FBLN2: variants seen among roughly 807,000 people sequenced by gnomAD.
The protein encoded by FBLN2 is fibulin 2, also known as fibulin-2.
FBLN2 carries 81 observed loss-of-function variants against 123.7 expected under a neutral mutation model. The observed-to-expected ratio is 0.65, with a 90% confidence interval of 0.55 to 0.79. The LOEUF (loss-of-function observed/expected upper bound fraction) is 0.79. Among genes scored for constraint, FBLN2 ranks in the 30% least tolerant of loss-of-function variants. FBLN2 has a pLI of 0.00. For missense variants in FBLN2, 1,603 were observed against 1,681.3 expected, an observed-to-expected ratio of 0.95 and a Z score of 0.81; for synonymous variants, 699 against 701.4, an observed-to-expected ratio of 1.00 and a Z score of 0.05.
At chr3:13,582,652 A>G (rs1013826900) in intron 2 of FBLN2, among the ~76,000 whole-genome samples, 1 of 152,166 alleles carries the variant, frequency 6.6e-6, no homozygotes, top group African/African-American at 2.4e-5. Context: ...GTGTGACCTC[A>G]GGCAAGCGAC....
chr3:13,609,628 A>T lies in FBLN2; in HGVS notation c.1534A>T (p.Ile512Phe), dbSNP rs1259034723. ...GGCTGAGGACAACGACAGCTGCGGC[A>T]TCTCCCTGTACAAGGCAAGCCTGAC... ...CGAEDNDSCGISLYKQCCDCC... is the reference protein window; with the variant it reads ...CGAEDNDSCGFSLYKQCCDCC... Residue 512 changes from isoleucine to phenylalanine, a missense_variant, in exon 4 of 18, where the codon ATC (isoleucine) becomes TTC (phenylalanine). By Grantham distance (21) the Ile-to-Phe change is conservative (BLOSUM62 0). Transcript: ENST00000404922. 1.5e-5 allele frequency: 21 copies of T among 1,366,152 alleles called. No individual in the cohort carries two copies. Among genetic ancestry groups the T allele is most frequent in the Non-Finnish European group, 1.9e-5 (20 of 1,039,664 alleles). 84.6% of individuals were successfully genotyped at this position (1,366,152 alleles called of 1,614,324 possible).
intron 2 of FBLN2, among the ~76,000 whole-genome samples, chr3:13,590,397 C>T (rs1704632385): frequency 6.6e-6 from 1 of 152,112 alleles, no homozygotes; most frequent in Non-Finnish European, 1.5e-5. Flanking sequence ...GCCATCTTGG[C>T]TCACTGCAAC....
At chr3:13,622,512 C>T (rs1187412848) in intron 9 of FBLN2, among the ~76,000 whole-genome samples, 2 of 152,322 alleles carry the variant, frequency 1.3e-5, no homozygotes, top group East Asian at 3.9e-4. Context: ...ACCAGCTTGG[C>T]GTTCCTTTGC....
rs143521153 is a variant in FBLN2, at chr3:13,568,880, G to A, written c.-41-1435G>A. On this transcript the variant is annotated intron_variant, in intron 1 of 17. Coordinates refer to ENST00000404922, the MANE Select transcript of FBLN2 (RefSeq NM_001004019.2). ...AGGACGCTGGGAACCTGTCTTGCTGGCTGATAAACCCCTGGTTCCTAGAGG... is the reference window on the plus strand; with the variant it reads ...AGGACGCTGGGAACCTGTCTTGCTGACTGATAAACCCCTGGTTCCTAGAGG... 272 of 985,794 alleles carry A rather than the reference G, an allele frequency of 2.8e-4. No individual in the cohort carries two copies. The African/African-American group carries it at 4.5e-3, about 16-fold the overall frequency. The allele number at this position is 985,794 out of a possible 1,614,324, so 61.1% of individuals were successfully genotyped here. A position where few individuals can be genotyped will look rare whatever the true frequency, so the allele number is the denominator to read the frequency against.
At position 13,570,616 on chromosome 3, in the gene FBLN2, G is replaced by T; in HGVS notation, c.261G>T (p.Gln87His). The T allele has an allele frequency of 6.3e-7, 1 of 1,579,990 alleles. No individual in the cohort carries two copies. The highest frequency in any genetic ancestry group is 1.2e-5 in the South Asian group (1 of 86,740). The change falls in exon 2 of 18, where the codon CAG becomes CAT. Residue 87 changes from glutamine to histidine, a missense_variant. Physicochemically the swap from Gln to His is conservative, Grantham distance 24 (BLOSUM62 0). Coordinates refer to ENST00000404922, the MANE Select transcript of FBLN2 (RefSeq NM_001004019.2). Reference protein sequence around the residue: ...GFVRGRVPAGQSYFVDFGSTE... With the variant: ...GFVRGRVPAGHSYFVDFGSTE... ...TGCGCGGCCGCGTGCCCGCCGGTCA[G>T]TCCTATTTTGTGGACTTCGGGAGCA...
At chr3:13,570,233 C>T in intron 1 of FBLN2, 82 bp from the exon 2 acceptor site, 1 of 1,410,952 alleles carries the variant, frequency 7.1e-7, no homozygotes, top group Non-Finnish European at 9.3e-7. Flanking sequence ...GAGGCTGGGC[C>T]CCTGCCCGCG....
rs758710824 is a variant in FBLN2, at chr3:13,614,151, T to A, written c.1716T>A (p.Ala572=). The change falls in exon 5 of 18, where the codon GCT becomes GCA. Residue 572 remains alanine, a synonymous_variant. Transcript: ENST00000404922. ...TTCGCCGACCTCCAGAGCCCGCAGC[T>A]GCACCACGGAGAGGTGAGTGCTGCT... ...PEVRRPPEPA[A]APRRVSEAEM... The A allele has an allele frequency of 1.9e-6, 3 of 1,611,902 alleles. No individual in the cohort carries two copies. The highest frequency in any genetic ancestry group is 2.5e-6 in the Non-Finnish European group (3 of 1,179,834).
intron 1 of FBLN2, among the ~76,000 whole-genome samples, chr3:13,557,338 A>G (rs879520446): frequency 2.0e-5 from 3 of 152,264 alleles, no homozygotes; most frequent in East Asian, 1.9e-4. Context: ...CATGAATACA[A>G]GAAGGTGGTT....
chr3:13,556,817 C>A (rs1703476503), intron 1 of FBLN2, among the ~76,000 whole-genome samples: 1 of 152,168 alleles, frequency 6.6e-6, no homozygotes. Context: ...AAGCAGGGGC[C>A]CCTTTGCACA....
At chr3:13,602,758 G>A (rs1457768997) in intron 2 of FBLN2, among the ~76,000 whole-genome samples, 13 of 152,040 alleles carry the variant, frequency 8.6e-5, no homozygotes, top group Non-Finnish European at 2.9e-5. Context: ...TTTGGCTATT[G>A]TATTATAGTC....
At chr3:13,574,101 G>A (rs1353287719) in intron 2 of FBLN2, among the ~76,000 whole-genome samples, 1 of 152,150 alleles carries the variant, frequency 6.6e-6, no homozygotes, top group Non-Finnish European at 1.5e-5. Flanking sequence ...CGAGCACGGT[G>A]CCTAACAGAG....
intron 16 of FBLN2, among the ~76,000 whole-genome samples, chr3:13,634,759 A>T (rs1706397612): frequency 6.6e-6 from 1 of 152,204 alleles, no homozygotes; most frequent in Non-Finnish European, 1.5e-5. Context: ...CCGCTACAAG[A>T]GAGCCTGGCA....
intron 2 of FBLN2, among the ~76,000 whole-genome samples, chr3:13,589,467 C>A (rs1704603888): frequency 6.6e-6 from 1 of 152,120 alleles, no homozygotes; most frequent in Non-Finnish European, 1.5e-5. Flanking sequence ...CACTAACATC[C>A]CAGGGTTCCA....
chr3:13,587,744 C>T (rs1704555371), intron 2 of FBLN2, among the ~76,000 whole-genome samples: 2 of 152,208 alleles, frequency 1.3e-5, no homozygotes, highest in Non-Finnish European at 2.9e-5. Flanking sequence ...AAAACTACAC[C>T]ATGCACAACC....
intron 9 of FBLN2, among the ~76,000 whole-genome samples, chr3:13,622,981 G>A (rs940224961): frequency 1.1e-4 from 17 of 152,354 alleles, no homozygotes; most frequent in South Asian, 4.1e-4. Context: ...AACCTAGTGC[G>A]TTCAGGGCAT....
intron 6 of FBLN2, 74 bp from the exon 7 acceptor site, chr3:13,618,830 G>A: frequency 9.8e-7 from 1 of 1,021,162 alleles, no homozygotes; most frequent in Non-Finnish European, 1.5e-6. Flanking sequence ...AAGGGCAGGT[G>A]CCTGGAAGTG....
At chr3:13,603,887 C>G (rs563053886) in intron 2 of FBLN2, among the ~76,000 whole-genome samples, 10 of 152,206 alleles carry the variant, frequency 6.6e-5, no homozygotes, top group Non-Finnish European at 1.3e-4. Context: ...TCCACATCCT[C>G]TCCAGCACCT....
chr3:13,635,167 G>T (rs1318318975), intron 16 of FBLN2, among the ~76,000 whole-genome samples: 1 of 152,160 alleles, frequency 6.6e-6, no homozygotes, highest in African/African-American at 2.4e-5. Context: ...GACTGAGTGA[G>T]GACAAATTCC....
chr3:13,630,258 T>C (rs2290192), intron 14 of FBLN2, among the ~76,000 whole-genome samples: 34,206 of 152,194 alleles, frequency 0.22, 4,066 homozygotes, highest in African/African-American at 0.26. Context: ...CCAAGGTCCG[T>C]GTACCTACCT....
Sources: gnomAD v4.1 joint callset for allele counts (sites outside exome capture counted in the v4.1 genomes callset) on GRCh38, gnomAD v4.1.1 for gene constraint, MANE v1.5 for transcripts, NCBI Gene and HGNC (gene_info 2026-07-23, HGNC 2026-07-21) for gene names.